Variants in MYMK observed in about 807,000 individuals in gnomAD.
MYMK encodes protein myomaker.
Under a neutral mutation model 22.4 loss-of-function variants are expected in MYMK, and 16 were observed. The observed-to-expected ratio is 0.72, with a 90% CI of 0.48 to 1.09. The LOEUF (loss-of-function observed/expected upper bound fraction) is 1.09. Ranked by LOEUF, MYMK falls within the 50% of genes least tolerant of loss-of-function variation. The pLI is 0.00. For synonymous variants in MYMK, 125 were observed against 127.0 expected (o/e 0.98, Z 0.11); for missense variants, 250 against 295.6 (o/e 0.85, Z 1.13).
In MYMK at chr9:133,524,907, G is replaced by A; in HGVS notation, c.-63C>T. On this transcript the variant is annotated 5_prime_UTR_variant, in exon 1 of 5. Coordinates refer to ENST00000339996, the MANE Select transcript of MYMK (RefSeq NM_001080483.3). ...GCTGGTGTCCCAGGTCCCCAGCACA[G>A]GAGCACGAAGTGGGAAGGCCAGCTC... 2 of 1,532,432 alleles carry A rather than the reference G, an allele frequency of 1.3e-6. No homozygotes were observed. The highest frequency in any genetic ancestry group is 2.3e-5 in the East Asian group (1 of 44,204). The allele number at this position is 1,532,432 out of a possible 1,614,324, so 94.9% of individuals were successfully genotyped here.
At chr9:133,514,889 C>T in intron 4 of MYMK, 104 bp from the exon 5 acceptor site, 1 of 1,302,998 alleles carries the variant, frequency 7.7e-7, no homozygotes, top group South Asian at 1.5e-5. Flanking sequence ...TCTGCCAGGG[C>T]ACTGGGACAC....
chr9:133,522,346 G>GGGA (rs1564485588), intron 1 of MYMK, among the ~76,000 whole-genome samples: 3 of 141,378 alleles, frequency 2.1e-5, no homozygotes, highest in Non-Finnish European at 4.7e-5. Context: ...TGGCTGTCGG[G>GGGA]GGGGGGCCTC....
intron 3 of MYMK, among the ~76,000 whole-genome samples, chr9:133,518,295 C>T (rs753672165): frequency 1.3e-5 from 2 of 152,182 alleles, no homozygotes; most frequent in Admixed American, 1.3e-4. Flanking sequence ...TGCTGCTCTG[C>T]AAGGGGCTGT....
Position 133,519,026 on chromosome 9 carries a change from G to C in MYMK, c.251-4C>G. 1 of 1,613,626 alleles carries C rather than the reference G, an allele frequency of 6.2e-7. No individual in the cohort carries two copies. ...GGTTCGTCGAAGTCGGCCAGTGCTG[G>C]AGGGGCCAGGGAGACACAGGGGGAG... On this transcript the variant is annotated splice_polypyrimidine_tract_variant and splice_region_variant and intron_variant, in intron 2 of 4. Transcript: ENST00000339996.
chr9:133,520,164 G>C lies in MYMK; in HGVS notation c.250+10C>G. ...TCCGCAAGGCTTGTCTGCAGGGGTT[G>C]ACCACTCACCCATCAGCGAGACCCA... On this transcript the variant is annotated intron_variant, in intron 2 of 4. Transcript: ENST00000339996. 6.2e-7 allele frequency: 1 copy of C among 1,607,784 alleles called. No homozygotes were observed.
At position 133,524,786 on chromosome 9, in the gene MYMK, G is replaced by A. The variant is rs780364385; in HGVS notation, c.59C>T (p.Pro20Leu). The A allele has an allele frequency of 1.9e-6, 3 of 1,614,106 alleles. No individual in the cohort carries two copies. Among genetic ancestry groups the A allele is most frequent in the Non-Finnish European group, 2.5e-6 (3 of 1,180,018 alleles). Residue 20 changes from proline to leucine, a missense_variant, in exon 1 of 5, where the codon CCC (proline) becomes CTC (leucine). Physicochemically the swap from Pro to Leu is moderately conservative, Grantham distance 98. Coordinates refer to ENST00000339996, the MANE Select transcript of MYMK (RefSeq NM_001080483.3). ...LPTLSSLAFL[P>L]TVSIAAKRRF... ...CCTCTTGGCCGCGATGCTGACAGTG[G>A]GGAGGAAGGCCAGGCTGCTGAGGGT...
intron 3 of MYMK, among the ~76,000 whole-genome samples, chr9:133,516,263 A>T (rs1373334538): frequency 6.6e-6 from 1 of 152,092 alleles, no homozygotes; most frequent in Non-Finnish European, 1.5e-5. Context: ...CATGGAGTCT[A>T]TTTGGGATTT....
At position 133,524,880 on chromosome 9, in the gene MYMK, G is replaced by C; in HGVS notation, c.-36C>G. ...GAAAGCACTGGCTGGGGTGGGGAGG[G>C]TGCTGGTGTCCCAGGTCCCCAGCAC... On this transcript the variant is annotated 5_prime_UTR_variant, in exon 1 of 5. Transcript: ENST00000339996. The C allele has an allele frequency of 6.4e-7, 1 of 1,574,656 alleles. No individual in the cohort carries two copies. The highest frequency in any genetic ancestry group is 8.6e-7 in the Non-Finnish European group (1 of 1,160,460).
In MYMK at chr9:133,514,663, G is replaced by A. The variant is rs1034942506; in HGVS notation, c.639C>T (p.Cys213=). Residue 213 remains cysteine (C), a synonymous_variant, in exon 5 of 5, where the codon TGC becomes TGT. Transcript: ENST00000339996. ...AGACACAAGCACAGCACAGGGTGGA[G>A]CAGTCCAGCTTGGCCGGGGTCCCCG... ...GSPGTPAKLD[C]STLCCACV is the part of the protein sequence containing the mutation. 8 of 1,613,776 alleles carry A rather than the reference G, an allele frequency of 5.0e-6. No individual in the cohort carries two copies. The African/African-American group carries it at 1.1e-4, about 22-fold the overall frequency.
Position 133,520,280 on chromosome 9 carries a change from A to G in MYMK, c.144T>C (p.His48=), listed in dbSNP as rs778623456. 5.6e-6 allele frequency: 9 copies of G among 1,614,082 alleles called. No homozygotes were observed. The East Asian group carries it at 1.3e-4, about 24-fold the overall frequency. The change falls in exon 2 of 5, where the codon CAT becomes CAC. Residue 48 remains histidine (H), a synonymous_variant. Coordinates refer to ENST00000339996, the MANE Select transcript of MYMK (RefSeq NM_001080483.3). ...CAGACAAGCCGGGTCCATTGCAGGCATGGTGGAGCTGCCAGAAAACCCACA... is the reference window on the plus strand; with the variant it reads ...CAGACAAGCCGGGTCCATTGCAGGCGTGGTGGAGCTGCCAGAAAACCCACA... The part of the protein sequence containing the change: ...LFTLFFVALH[H]ACNGPGLSVL...
At chr9:133,519,068 GCTC>G in intron 2 of MYMK, 46 bp from the exon 3 acceptor site, 3 of 1,608,728 alleles carry the variant, frequency 1.9e-6, no homozygotes. Flanking sequence ...GGTCTCTCTT[GCTC>G]CTCCTGGCTA....
chr9:133,521,241 A>G (rs1844699723), intron 1 of MYMK, among the ~76,000 whole-genome samples: 1 of 152,184 alleles, frequency 6.6e-6, no homozygotes, highest in African/African-American at 2.4e-5. Flanking sequence ...GCATTTCATC[A>G]TTTTAGGTAA....
intron 1 of MYMK, 140 bp downstream of exon 1, chr9:133,524,570 C>G: frequency 7.7e-7 from 1 of 1,299,262 alleles, no homozygotes; most frequent in Middle Eastern, 2.2e-4. Flanking sequence ...CTTCAGTCTC[C>G]AGACCCCACC....
Position 133,514,681 on chromosome 9 carries a change from G to A in MYMK, c.621C>T (p.Thr207=). 1 of 1,614,004 alleles carries A rather than the reference G, an allele frequency of 6.2e-7. No individual in the cohort carries two copies. The highest frequency in any genetic ancestry group is 8.5e-7 in the Non-Finnish European group (1 of 1,179,864). ...KVNKKAGSPG[T]PAKLDCSTLC... is the part of the protein sequence containing the mutation. ...GGGTGGAGCAGTCCAGCTTGGCCGG[G>A]GTCCCCGGGGATCCAGCCTTCTTGT... is the stretch of plus-strand genomic sequence containing the variant. The change falls in exon 5 of 5, where the codon ACC becomes ACT. Residue 207 remains threonine (T), a synonymous_variant. Transcript: ENST00000339996.
rs1309587973 is a variant in MYMK, at chr9:133,515,718, C to T, written c.400-111G>A. ...GCACAGGCTCACCCCAGCCCTCTCCCGGCAGGAGAGGAGGCTCAGGAGCCT... is the reference window on the plus strand; with the variant it reads ...GCACAGGCTCACCCCAGCCCTCTCCTGGCAGGAGAGGAGGCTCAGGAGCCT... On this transcript the variant is annotated intron_variant, in intron 3 of 4. Transcript: ENST00000339996. This position sits in a 1 kb window ranked among gnomAD's most constrained non-coding sequence, Gnocchi z 5.8. The T allele has an allele frequency of 2.3e-5, 16 of 696,956 alleles. No individual in the cohort carries two copies. The highest frequency in any genetic ancestry group is 5.4e-5 in the African/African-American group (3 of 55,988). The allele number at this position is 696,956 out of a possible 1,614,324, so 43.2% of individuals were successfully genotyped here.
In MYMK at chr9:133,520,091, G is replaced by A. The variant is rs916150216; in HGVS notation, c.250+83C>T. ...GTGAGTGGGGATAGAGGGCTGCAGCGGGACTGGTTTGAGGCTGGGTGTGCG... is the reference window on the plus strand; with the variant it reads ...GTGAGTGGGGATAGAGGGCTGCAGCAGGACTGGTTTGAGGCTGGGTGTGCG... On this transcript the variant is annotated intron_variant, in intron 2 of 4. Transcript: ENST00000339996. 50 of 1,024,366 alleles carry A rather than the reference G, an allele frequency of 4.9e-5. No individual in the cohort carries two copies. In the African/African-American group the frequency reaches 5.6e-4, roughly 12 times the overall value. 63.5% of individuals were successfully genotyped at this position (1,024,366 alleles called of 1,614,324 possible).
chr9:133,521,191 T>G (rs527276415), intron 1 of MYMK, among the ~76,000 whole-genome samples: 1 of 152,366 alleles, frequency 6.6e-6, no homozygotes, highest in African/African-American at 2.4e-5. Context: ...AGCAGTCAAC[T>G]ACTTTTCTAC....
chr9:133,519,605 C>T (rs1382893537), intron 2 of MYMK, among the ~76,000 whole-genome samples: 2 of 152,150 alleles, frequency 1.3e-5, no homozygotes, highest in East Asian at 3.9e-4. Context: ...TCGAATCTAT[C>T]CCATAGGATC....
intron 1 of MYMK, among the ~76,000 whole-genome samples, chr9:133,522,089 C>T (rs1178745902): frequency 3.9e-5 from 6 of 152,242 alleles, no homozygotes; most frequent in Non-Finnish European, 8.8e-5. Context: ...TGGCTCCTCC[C>T]AATGGTGGGA....
Sources: allele counts gnomAD v4.1 joint callset (sites outside exome capture counted in the v4.1 genomes callset), GRCh38; gene constraint gnomAD v4.1.1; non-coding constraint Gnocchi (gnomAD v3.1); transcripts MANE v1.5; gene names NCBI Gene and HGNC (gene_info 2026-07-23, HGNC 2026-07-21).